The following BTBD7 variants were observed in gnomAD, a reference collection of about 807,000 sequenced individuals.
BTBD7 encodes the protein BTB/POZ domain-containing protein 7.
Under a neutral mutation model 99.9 loss-of-function variants are expected in BTBD7, and 38 were observed. The ratio of observed to expected loss-of-function variants is 0.38; its 90% CI spans 0.29 to 0.50. The LOEUF is 0.50. BTBD7 is among the 20% of genes least tolerant of loss of function. The pLI is 0.93. For missense variants in BTBD7, 1,170 were observed against 1,394.6 expected (o/e 0.84, Z 2.57); for synonymous variants, 520 against 511.4 (o/e 1.02, Z -0.23).
rs1415139044 is a variant in BTBD7 at position 93,248,746 on chromosome 14, C to T, written c.1943-92G>A. 14 of 1,146,990 alleles carry T rather than the reference C, an allele frequency of 1.2e-5. No individual in the cohort carries two copies. In the Admixed American group the frequency reaches 3.0e-4, roughly 25 times the overall value. The allele number at this position is 1,146,990 out of a possible 1,614,324, so 71.1% of individuals were successfully genotyped here. On this transcript the variant is annotated intron_variant, in intron 8 of 10. Coordinates refer to ENST00000334746, the MANE Select transcript of BTBD7 (RefSeq NM_001002860.4). ...AAGGGAAAAAAGCATGTATTTCATA[C>T]CAGAATCTTATAAGTTTTTAAGATA... is the stretch of plus-strand genomic sequence containing the variant.
At chr14:93,320,009 G>C (rs748247799) in intron 1 of BTBD7, among the ~76,000 whole-genome samples, 2 of 152,120 alleles carry the variant, frequency 1.3e-5, no homozygotes, top group Non-Finnish European at 2.9e-5. Flanking sequence ...AGGAAAACTA[G>C]AAAAATGTGG....
chr14:93,309,289 C>T (rs1422796865), intron 1 of BTBD7, among the ~76,000 whole-genome samples: 1 of 151,876 alleles, frequency 6.6e-6, no homozygotes, highest in Non-Finnish European at 1.5e-5. Context: ...AGTGACTTAT[C>T]CAAAGTCAAA....
chr14:93,316,622 T>C (rs2053209914), intron 1 of BTBD7, among the ~76,000 whole-genome samples: 1 of 152,234 alleles, frequency 6.6e-6, no homozygotes, highest in African/African-American at 2.4e-5. Flanking sequence ...GTCAGGGTTT[T>C]TCTTTTATTC....
chr14:93,254,519 A>G (rs2052408016), intron 6 of BTBD7, among the ~76,000 whole-genome samples: 1 of 152,196 alleles, frequency 6.6e-6, no homozygotes, highest in Admixed American at 6.5e-5. Context: ...CACAGTGCCT[A>G]GCAACACAGG....
chr14:93,315,825 T>C (rs1324731154), intron 1 of BTBD7, among the ~76,000 whole-genome samples: 2 of 152,222 alleles, frequency 1.3e-5, no homozygotes, highest in Admixed American at 6.5e-5. Flanking sequence ...CATCCATCCA[T>C]TGATGGACAT....
chr14:93,284,746 G>A (rs549291259), intron 3 of BTBD7, among the ~76,000 whole-genome samples: 1 of 152,148 alleles, frequency 6.6e-6, no homozygotes, highest in Non-Finnish European at 1.5e-5. Context: ...CTTTTAACTT[G>A]GAATGGCTAA....
At chr14:93,295,869 A>C (rs1482590026) in intron 2 of BTBD7, 101 bp downstream of exon 2, 2 of 1,055,120 alleles carry the variant, frequency 1.9e-6, no homozygotes, top group African/African-American at 1.6e-5. Context: ...GAATTATTAT[A>C]ATAACTACAG....
Position 93,301,294 on chromosome 14 carries a change from C to T in BTBD7, c.-106-5137G>A, listed in dbSNP as rs773663995. ...GCAACCTCCACCTCCTGGGTTCAAG[C>T]GATTCTCCTGCCTCAGCCTCCTGAG... On this transcript the variant is annotated intron_variant, in intron 1 of 10. Transcript: ENST00000334746. Among the ~76,000 whole-genome samples the T allele has an allele frequency of 5.9e-5, 9 of 151,768 alleles. 1 individual carries two copies. In the South Asian group the frequency reaches 1.0e-3, roughly 18 times the overall value.
At chr14:93,287,137 G>A (rs1306700533) in intron 3 of BTBD7, among the ~76,000 whole-genome samples, 1 of 151,684 alleles carries the variant, frequency 6.6e-6, no homozygotes, top group Non-Finnish European at 1.5e-5. Context: ...GCTGAGGCAG[G>A]AGAATCGCTT....
At chr14:93,253,513 T>C (rs2052391465) in intron 7 of BTBD7, 134 bp downstream of exon 7, 1 of 771,318 alleles carries the variant, frequency 1.3e-6, no homozygotes, top group African/African-American at 1.7e-5. Context: ...GTAGTCAAAC[T>C]AGAACTTACT....
chr14:93,331,012 A>C (rs187181791), intron 1 of BTBD7, among the ~76,000 whole-genome samples: 59 of 152,362 alleles, frequency 3.9e-4, no homozygotes, highest in Non-Finnish European at 6.8e-4. Context: ...TCATGCAAGA[A>C]TGAGCCATGC....
chr14:93,295,974 A>G lies in BTBD7; in HGVS notation c.78T>C (p.Phe26=). 6.2e-7 allele frequency: 1 copy of G among 1,613,964 alleles called. No individual in the cohort carries two copies. Among genetic ancestry groups the G allele is most frequent in the South Asian group, 1.1e-5 (1 of 91,066 alleles). Residue 26 remains phenylalanine (F), a synonymous_variant, in exon 2 of 11, where the codon TTT becomes TTC. Coordinates refer to ENST00000334746, the MANE Select transcript of BTBD7 (RefSeq NM_001002860.4). ...VGGNSQAQQT[F]IGTSSYSQQG... is the part of the protein sequence containing the mutation. ...GTTAGAAAAACTGAAAGTTACCTAT[A>G]AAAGTCTGTTGGGCCTGTGAATTTC...
At chr14:93,327,856 C>T (rs1464942397) in intron 1 of BTBD7, among the ~76,000 whole-genome samples, 1 of 152,062 alleles carries the variant, frequency 6.6e-6, no homozygotes, top group East Asian at 1.9e-4. Flanking sequence ...TGACACGATC[C>T]TATATGTAGA....
chr14:93,312,418 A>G (rs973457214), intron 1 of BTBD7, among the ~76,000 whole-genome samples: 1 of 152,230 alleles, frequency 6.6e-6, no homozygotes, highest in African/African-American at 2.4e-5. Context: ...AGCCACATAC[A>G]TTCAAAAATT....
intron 3 of BTBD7, among the ~76,000 whole-genome samples, chr14:93,285,647 A>G (rs1368819746): frequency 2.0e-5 from 3 of 152,208 alleles, no homozygotes; most frequent in Non-Finnish European, 4.4e-5. Context: ...AAAATTACCA[A>G]TGAATGGTAT....
intron 7 of BTBD7, among the ~76,000 whole-genome samples, 158 bp downstream of exon 7, chr14:93,253,489 A>G (rs2052391070): frequency 6.6e-6 from 1 of 152,242 alleles, no homozygotes; most frequent in Non-Finnish European, 1.5e-5. Flanking sequence ...CGTTTTAGAA[A>G]ACTATTCTGT....
chr14:93,242,859 T>G lies in BTBD7; in HGVS notation c.2813A>C (p.Asn938Thr). The change falls in exon 11 of 11, where the codon AAT becomes ACT. Residue 938 changes from asparagine (N) to threonine (T), a missense_variant. By Grantham distance (65) the Asn-to-Thr change is moderately conservative. Transcript: ENST00000334746. Reference sequence around the variant, plus strand: ...ATAGAAATCCGGATATTCCTGTGGATTTTCTCTGGTGTCTGTTTTTTGCTC... The same window carrying G: ...ATAGAAATCCGGATATTCCTGTGGAGTTTCTCTGGTGTCTGTTTTTTGCTC... ...TLEQKTDTRE[N>T]PQEYPDFYDF... is the part of the protein sequence containing the mutation. 2 of 1,614,022 alleles carry G rather than the reference T, an allele frequency of 1.2e-6. No individual in the cohort carries two copies. The highest frequency in any genetic ancestry group is 1.7e-6 in the Non-Finnish European group (2 of 1,179,988).
intron 1 of BTBD7, among the ~76,000 whole-genome samples, chr14:93,317,225 G>A (rs543884138): frequency 6.6e-6 from 1 of 152,142 alleles, no homozygotes; most frequent in South Asian, 2.1e-4. Context: ...GGCTGGTCTC[G>A]AACTCCTGAC....
intron 9 of BTBD7, 98 bp downstream of exon 9, chr14:93,248,378 G>C: frequency 7.6e-7 from 1 of 1,310,474 alleles, no homozygotes; most frequent in Non-Finnish European, 1.1e-6. Flanking sequence ...CACATACGAC[G>C]AAAAGGAAAT....
Sources: gnomAD v4.1 joint callset for allele counts (sites outside exome capture counted in the v4.1 genomes callset) on GRCh38, gnomAD v4.1.1 for gene constraint, MANE v1.5 for transcripts, NCBI Gene and HGNC (gene_info 2026-07-23, HGNC 2026-07-21) for gene names.